Variants in RASGRP1 observed in about 807,000 individuals in gnomAD.
RASGRP1 encodes the protein RAS guanyl-releasing protein 1.
Under a neutral mutation model 95.1 loss-of-function variants are expected in RASGRP1, and 37 were observed. The ratio of observed to expected loss-of-function variants is 0.39; its 90% CI spans 0.30 to 0.51. The LOEUF is 0.51. Ranked by LOEUF, RASGRP1 falls within the 20% of genes least tolerant of loss-of-function variation. The probability of loss-of-function intolerance (pLI) is 0.80; values close to 1 mark genes in which losing one functional copy is unlikely to be tolerated. For missense variants in RASGRP1, 711 were observed against 965.4 expected (o/e 0.74, Z 3.49); for synonymous variants, 325 against 353.4 (o/e 0.92, Z 0.90).
chr15:38,509,607 T>C (rs1039177115), intron 8 of RASGRP1, among the ~76,000 whole-genome samples: 1 of 152,092 alleles, frequency 6.6e-6, no homozygotes, highest in Non-Finnish European at 1.5e-5. Flanking sequence ...ACGCCTGTAG[T>C]CCCAGCTACT....
In RASGRP1 at chr15:38,490,554, C is replaced by A. The variant is rs769320375; in HGVS notation, c.2394G>T (p.Ter798TyrextTer4). 1.2e-6 allele frequency: 2 copies of A among 1,601,498 alleles called. No homozygotes were observed. Among genetic ancestry groups the A allele is most frequent in the Non-Finnish European group, 8.5e-7 (1 of 1,172,070 alleles). The change falls in exon 17 of 17, where the codon TAG becomes TAT. Residue 798 changes from the stop codon to tyrosine, a stop_lost. Transcript: ENST00000310803. The part of the protein sequence containing the change: ...LAQMEQGDCS[*>Y] ...CAGATTGTGCTACTTAGTTTCTGGG[C>A]TAAGAACAGTCACCCTGCTCCATTT...
chr15:38,540,543 GT>G (rs1046243833), intron 2 of RASGRP1, among the ~76,000 whole-genome samples: 3 of 152,170 alleles, frequency 2.0e-5, no homozygotes, highest in African/African-American at 7.2e-5. Flanking sequence ...AATTAAGACA[GT>G]TTTTAAGGAA....
intron 1 of RASGRP1, among the ~76,000 whole-genome samples, chr15:38,561,285 A>G (rs1274986570): frequency 6.6e-6 from 1 of 152,254 alleles, no homozygotes; most frequent in East Asian, 1.9e-4. Flanking sequence ...TTATATACTC[A>G]TTACATACTA....
intron 5 of RASGRP1, among the ~76,000 whole-genome samples, chr15:38,517,366 G>A (rs1008211937): frequency 6.6e-6 from 1 of 152,168 alleles, no homozygotes; most frequent in African/African-American, 2.4e-5. Context: ...TTAAAATGAA[G>A]AAACTATTAC....
At chr15:38,511,178 C>CT (rs1182143869) in intron 8 of RASGRP1, among the ~76,000 whole-genome samples, 3 of 152,188 alleles carry the variant, frequency 2.0e-5, no homozygotes, top group African/African-American at 7.2e-5. Flanking sequence ...TTCTGGATAG[C>CT]TAAGTTTTTA....
Position 38,494,694 on chromosome 15 carries a change from G to A in RASGRP1, c.1947C>T (p.Thr649=). Residue 649 remains threonine, a synonymous_variant, in exon 16 of 17, where the codon ACC becomes ACT. Transcript: ENST00000310803. Reference sequence around the variant, plus strand: ...GTGAGGACACTCCCATCAGCATGATGGTCCGATCCTTACTCTCCTCACCAT... The same window carrying A: ...GTGAGGACACTCCCATCAGCATGATAGTCCGATCCTTACTCTCCTCACCAT... ...VEHGEESKDR[T]IMLMGVSSQK... The A allele has an allele frequency of 7.2e-6, 11 of 1,528,916 alleles. No homozygotes were observed. The South Asian group carries it at 1.5e-4, about 20-fold the overall frequency. The allele number at this position is 1,528,916 out of a possible 1,614,324, so 94.7% of individuals were successfully genotyped here. A position where few individuals can be genotyped will look rare whatever the true frequency, so the allele number is the denominator to read the frequency against.
At chr15:38,561,767 C>T (rs1180979511) in intron 1 of RASGRP1, among the ~76,000 whole-genome samples, 2 of 152,186 alleles carry the variant, frequency 1.3e-5, no homozygotes, top group East Asian at 3.8e-4. Context: ...TGGGCATCTG[C>T]TAACCCTAGG....
intron 2 of RASGRP1, among the ~76,000 whole-genome samples, chr15:38,552,606 A>G (rs1273311915): frequency 6.6e-6 from 1 of 152,254 alleles, no homozygotes; most frequent in African/African-American, 2.4e-5. Flanking sequence ...CCAGGTAGAC[A>G]TAACAGACAT....
At position 38,519,888 on chromosome 15, in the gene RASGRP1, T is replaced by C. The variant is rs77336100; in HGVS notation, c.327-517A>G. 5.0e-3 allele frequency among the ~76,000 whole-genome samples: 766 copies of C among 152,234 alleles called. 7 individuals are homozygous for C. Among genetic ancestry groups the C allele is most frequent in the African/African-American group, 0.018 (739 of 41,540 alleles). ...GATATGTCATGATAATGAAGAACAA[T>C]AATATGAAAGTTACAATATATACAC... is the stretch of plus-strand genomic sequence containing the variant. On this transcript the variant is annotated intron_variant, in intron 3 of 16. Transcript: ENST00000310803.
chr15:38,490,622 T>C lies in RASGRP1; in HGVS notation c.2326A>G (p.Ile776Val). 6.2e-7 allele frequency: 1 copy of C among 1,613,452 alleles called. No homozygotes were observed. The change falls in exon 17 of 17, where the codon ATA becomes GTA. Residue 776 changes from isoleucine to valine, a missense_variant. This residue lies in a region of RASGRP1 where 212 missense variants were observed against 247.8 expected (regional missense o/e 0.86). Coordinates refer to ENST00000310803, the MANE Select transcript of RASGRP1 (RefSeq NM_005739.4). The part of the protein sequence containing the change: ...KIQLKYAQKK[I>V]ESLQLEKSNH... ...CTTTTTTCAAGCTGGAGGGATTCTA[T>C]TTTCTTCTGTGCATATTTCAGTTGG...
At chr15:38,554,228 T>G (rs1397989941) in intron 2 of RASGRP1, among the ~76,000 whole-genome samples, 1 of 152,202 alleles carries the variant, frequency 6.6e-6, no homozygotes, top group Non-Finnish European at 1.5e-5. Flanking sequence ...GCTGAACCAC[T>G]TTCCACAGGT....
At chr15:38,499,973 A>G in intron 14 of RASGRP1, 130 bp downstream of exon 14, 1 of 866,090 alleles carries the variant, frequency 1.2e-6, no homozygotes, top group Admixed American at 1.9e-5. Context: ...CTTAGGCCTC[A>G]CCAGCCCTGT....
intron 2 of RASGRP1, among the ~76,000 whole-genome samples, chr15:38,553,882 T>C (rs1224749059): frequency 3.3e-5 from 5 of 152,356 alleles, no homozygotes; most frequent in South Asian, 4.1e-4. Flanking sequence ...CTAGTTCACA[T>C]AGCTGAAAAA....
chr15:38,514,539 AG>A, intron 6 of RASGRP1, among the ~76,000 whole-genome samples: 1 of 152,160 alleles, frequency 6.6e-6, no homozygotes, highest in Non-Finnish European at 1.5e-5. Context: ...TTCACAGCAC[AG>A]ATAAATTTCC....
intron 2 of RASGRP1, among the ~76,000 whole-genome samples, chr15:38,530,078 C>A (rs1892379086): frequency 6.6e-6 from 1 of 152,172 alleles, no homozygotes; most frequent in African/African-American, 2.4e-5. Context: ...TAACCAACCA[C>A]CCCAAAACTC....
At chr15:38,503,533 A>G (rs1891125112) in intron 10 of RASGRP1, 157 bp from the exon 11 acceptor site, 1 of 661,510 alleles carries the variant, frequency 1.5e-6, no homozygotes, top group Non-Finnish European at 2.6e-6. Flanking sequence ...TGAAATCTCT[A>G]CTAATAATTT....
chr15:38,503,720 C>T (rs150570666), intron 10 of RASGRP1: 92 of 238,866 alleles, frequency 3.9e-4, no homozygotes, highest in African/African-American at 1.8e-3. Context: ...TCTCTATTCT[C>T]CAGTCACATT....
chr15:38,519,192 C>T, intron 4 of RASGRP1, 117 bp downstream of exon 4: 2 of 675,472 alleles, frequency 3.0e-6, no homozygotes, highest in South Asian at 3.3e-5. Flanking sequence ...AAGGACTACC[C>T]TTTTCCATCT....
chr15:38,532,565 T>C (rs184706003), intron 2 of RASGRP1, among the ~76,000 whole-genome samples: 44 of 152,338 alleles, frequency 2.9e-4, no homozygotes, highest in African/African-American at 1.1e-3. Context: ...TGGAAAAGGC[T>C]AGCCATCTTC....
Sources: allele counts gnomAD v4.1 joint callset (sites outside exome capture counted in the v4.1 genomes callset), GRCh38; gene constraint gnomAD v4.1.1; regional missense constraint gnomAD v4.1.1; transcripts MANE v1.5; gene names NCBI Gene and HGNC (gene_info 2026-07-23, HGNC 2026-07-21).